Variants in RGS6 observed in about 807,000 individuals in gnomAD.
RGS6 encodes the protein regulator of G-protein signaling 6.
Under a neutral mutation model 78.5 loss-of-function variants are expected in RGS6, and 30 were observed. The ratio of observed to expected loss-of-function variants is 0.38; its 90% CI spans 0.29 to 0.52. RGS6 has a LOEUF of 0.52. Among genes scored for constraint, RGS6 ranks in the 20% least tolerant of loss-of-function variants. The probability of loss-of-function intolerance (pLI) is 0.85; values close to 1 mark genes in which losing one functional copy is unlikely to be tolerated. For synonymous variants in RGS6, 206 were observed against 206.0 expected (o/e 1.00, Z 0.00); for missense variants, 495 against 609.7 (o/e 0.81, Z 1.98).
chr14:72,052,957 C>CTT (rs1378095621), intron 2 of RGS6, among the ~76,000 whole-genome samples: 2 of 40,712 alleles, frequency 4.9e-5, no homozygotes, highest in East Asian at 2.7e-3. Context: ...TTCTTTCTTT[C>CTT]TTTCTTTCTT....
chr14:72,467,380 C>G (rs1165839646), intron 7 of RGS6, among the ~76,000 whole-genome samples: 1 of 152,144 alleles, frequency 6.6e-6, no homozygotes. Context: ...CAGACCCACC[C>G]ACCGCCAAAG....
intron 2 of RGS6, among the ~76,000 whole-genome samples, chr14:72,027,025 G>A (rs557538915): frequency 6.6e-6 from 1 of 152,202 alleles, no homozygotes; most frequent in South Asian, 2.1e-4. Flanking sequence ...CCAAAAAGAA[G>A]GAAAGGTCTT....
At chr14:71,876,441 T>G in the RGS6 span, among the ~76,000 whole-genome samples, 8 of 149,722 alleles carry the variant, frequency 5.3e-5, no homozygotes, top group Admixed American at 1.3e-4. Flanking sequence ...GTTTAAAATC[T>G]GTTTTATCAG....
At chr14:72,285,136 C>A (rs1281031047) in intron 2 of RGS6, among the ~76,000 whole-genome samples, 1 of 152,108 alleles carries the variant, frequency 6.6e-6, no homozygotes, top group African/African-American at 2.4e-5. Context: ...GGACTGTGGA[C>A]TTTTGAGTTA....
chr14:71,958,167 A>G (rs560548997), intron 1 of RGS6, among the ~76,000 whole-genome samples: 1 of 152,288 alleles, frequency 6.6e-6, no homozygotes, highest in South Asian at 2.1e-4. Context: ...TAGCAAGTAG[A>G]ATGAAGGAAA....
chr14:72,141,929 G>A (rs934021799), intron 2 of RGS6, among the ~76,000 whole-genome samples: 2 of 149,822 alleles, frequency 1.3e-5, no homozygotes, highest in Admixed American at 6.7e-5. Context: ...ACCTAGAACC[G>A]TGCTGGATTC....
At chr14:72,576,499 A>T in the RGS6 span, among the ~76,000 whole-genome samples, 1 of 152,364 alleles carries the variant, frequency 6.6e-6, no homozygotes, top group Admixed American at 6.5e-5. Context: ...CTGTAATCTC[A>T]TAGAATGCTT....
At chr14:72,019,184 G>C (rs1270974460) in intron 2 of RGS6, among the ~76,000 whole-genome samples, 1 of 152,042 alleles carries the variant, frequency 6.6e-6, no homozygotes, top group Non-Finnish European at 1.5e-5. Context: ...CCCATGTCAG[G>C]GCAGAGCCAG....
intron 13 of RGS6, among the ~76,000 whole-genome samples, chr14:72,500,780 A>C (rs1465356327): frequency 6.6e-6 from 1 of 152,212 alleles, no homozygotes; most frequent in Non-Finnish European, 1.5e-5. Flanking sequence ...GGGAGAACTA[A>C]GGGCAGGGGA....
At chr14:71,956,060 G>A (rs893034240) in intron 1 of RGS6, among the ~76,000 whole-genome samples, 3 of 152,160 alleles carry the variant, frequency 2.0e-5, no homozygotes, top group African/African-American at 7.2e-5. Flanking sequence ...ATATGACATA[G>A]CCATCTCAGA....
At position 72,563,320 on chromosome 14, in the gene RGS6, C is replaced by G. The variant is rs1338433810; in HGVS notation, c.*853C>G. The G allele has an allele frequency of 6.5e-6, 1 of 154,626 alleles. No homozygotes were observed. The highest frequency in any genetic ancestry group is 1.4e-5 in the Non-Finnish European group (1 of 69,472). 9.6% of individuals were successfully genotyped at this position (154,626 alleles called of 1,614,324 possible). A position where few individuals can be genotyped will look rare whatever the true frequency, so the allele number is the denominator to read the frequency against. On this transcript the variant is annotated 3_prime_UTR_variant, in exon 18 of 18. Transcript: ENST00000553525. The stretch of plus-strand genomic sequence containing the variant: ...TTGGTTTATTCCCTCATGTTTTACT[C>G]AAAATAAACATGGCCATGAACTCAG...
At chr14:72,540,492 A>G in intron 17 of RGS6, 3 of 655,614 alleles carry the variant, frequency 4.6e-6, no homozygotes, top group African/African-American at 3.8e-5. Flanking sequence ...AGCTCATCGA[A>G]AAAAAAAAAA....
chr14:72,327,053 T>C (rs2073969377), intron 2 of RGS6, among the ~76,000 whole-genome samples: 1 of 152,170 alleles, frequency 6.6e-6, no homozygotes, highest in Non-Finnish European at 1.5e-5. Context: ...ACGTATACAT[T>C]AGAACCTGAT....
the RGS6 span, among the ~76,000 whole-genome samples, chr14:71,868,364 A>C: frequency 6.6e-6 from 1 of 152,214 alleles, no homozygotes; most frequent in African/African-American, 2.4e-5. Flanking sequence ...GTCTTTAAGG[A>C]ATTTCACTCT....
chr14:72,254,444 T>C (rs752947873), intron 2 of RGS6, among the ~76,000 whole-genome samples: 2 of 152,094 alleles, frequency 1.3e-5, no homozygotes, highest in African/African-American at 2.4e-5. Context: ...CCCTTTCACA[T>C]TGAAGCCTCA....
At chr14:71,962,400 A>C (rs1435441020) in intron 1 of RGS6, among the ~76,000 whole-genome samples, 1 of 151,828 alleles carries the variant, frequency 6.6e-6, no homozygotes, top group African/African-American at 2.4e-5. Context: ...TGCTCATTAA[A>C]GTGTTCATTT....
chr14:72,258,410 C>T (rs550524059), intron 2 of RGS6, among the ~76,000 whole-genome samples: 1 of 152,354 alleles, frequency 6.6e-6, no homozygotes, highest in South Asian at 2.1e-4. Flanking sequence ...GCATGCTGTA[C>T]TGCACAAGTG....
chr14:72,620,538 C>T, the RGS6 span, among the ~76,000 whole-genome samples: 1 of 152,164 alleles, frequency 6.6e-6, no homozygotes, highest in South Asian at 2.1e-4. Context: ...GAGGCTGGAG[C>T]CCGGGTGAGA....
chr14:72,175,981 TCAC>T (rs2097100221), intron 2 of RGS6, among the ~76,000 whole-genome samples: 1 of 152,150 alleles, frequency 6.6e-6, no homozygotes, highest in Non-Finnish European at 1.5e-5. Flanking sequence ...CTCCCCAAGT[TCAC>T]CACCAGGCTT....
Sources: allele counts gnomAD v4.1 joint callset (sites outside exome capture counted in the v4.1 genomes callset), GRCh38; gene constraint gnomAD v4.1.1; transcripts MANE v1.5; gene names NCBI Gene and HGNC (gene_info 2026-07-23, HGNC 2026-07-21).